FBXL7: variants seen among roughly 807,000 people sequenced by gnomAD.
FBXL7 encodes the protein F-box/LRR-repeat protein 7.
Under a neutral mutation model 38.3 loss-of-function variants are expected in FBXL7, and 12 were observed. The observed-to-expected ratio is 0.31, with a 90% CI of 0.20 to 0.51. The LOEUF is 0.51. Ranked by LOEUF, FBXL7 falls within the 20% of genes least tolerant of loss-of-function variation. FBXL7 has a pLI of 0.98. For missense variants in FBXL7, 567 were observed against 676.4 expected (o/e 0.84, Z 1.79); for synonymous variants, 297 against 300.9 (o/e 0.99, Z 0.13).
intron 1 of FBXL7, among the ~76,000 whole-genome samples, chr5:15,509,184 A>G (rs576752654): frequency 8.5e-5 from 13 of 152,342 alleles, no homozygotes; most frequent in African/African-American, 3.1e-4. Flanking sequence ...TGTATAGCAC[A>G]GGGTCTGCTG....
At chr5:15,600,512 G>A (rs1392077311) in intron 1 of FBXL7, among the ~76,000 whole-genome samples, 2 of 152,056 alleles carry the variant, frequency 1.3e-5, no homozygotes, top group Admixed American at 1.3e-4. Context: ...TTATTTCTCA[G>A]TTATAATTCT....
rs907034960 is a variant in FBXL7, at chr5:15,812,197, C to T, written c.128-115693C>T. Among the ~76,000 whole-genome samples the T allele has an allele frequency of 1.6e-4, 25 of 152,054 alleles. 1 individual carries two copies. The highest frequency in any genetic ancestry group is 5.8e-4 in the African/African-American group (24 of 41,486). Reference sequence around the variant, plus strand: ...TTCAGGTCCTTTGTGGGTACATGGGCGAAGCTGGAAACCATCATTCTCAGC... The same window carrying T: ...TTCAGGTCCTTTGTGGGTACATGGGTGAAGCTGGAAACCATCATTCTCAGC... On this transcript the variant is annotated intron_variant, in intron 2 of 3. Coordinates refer to ENST00000504595, the MANE Select transcript of FBXL7 (RefSeq NM_012304.5).
intron 2 of FBXL7, among the ~76,000 whole-genome samples, chr5:15,681,177 A>G (rs894477765): frequency 2.6e-5 from 4 of 152,212 alleles, no homozygotes; most frequent in Non-Finnish European, 4.4e-5. Context: ...CAAAAGCTTC[A>G]TAAAAAGGCA....
intron 1 of FBXL7, among the ~76,000 whole-genome samples, chr5:15,571,168 G>C (rs1416975422): frequency 6.6e-6 from 1 of 151,446 alleles, no homozygotes; most frequent in Non-Finnish European, 1.5e-5. Flanking sequence ...TGTTCTACAA[G>C]TGGATTCTGA....
intron 2 of FBXL7, among the ~76,000 whole-genome samples, chr5:15,656,800 A>C (rs1237326233): frequency 2.0e-5 from 3 of 152,294 alleles, no homozygotes; most frequent in African/African-American, 7.2e-5. Flanking sequence ...TGAGAATTTT[A>C]ATTAGGAAAT....
At chr5:15,905,701 G>A (rs1309315347) in intron 2 of FBXL7, among the ~76,000 whole-genome samples, 2 of 152,136 alleles carry the variant, frequency 1.3e-5, no homozygotes, top group East Asian at 3.8e-4. Flanking sequence ...AATATTTTCA[G>A]TTCAGTTCTA....
At chr5:15,735,701 T>C (rs1735731342) in intron 2 of FBXL7, among the ~76,000 whole-genome samples, 1 of 152,194 alleles carries the variant, frequency 6.6e-6, no homozygotes, top group South Asian at 2.1e-4. Context: ...GGATAATGAA[T>C]GTCCGGAGAG....
chr5:15,716,877 C>T (rs999735914), intron 2 of FBXL7, among the ~76,000 whole-genome samples: 23 of 152,230 alleles, frequency 1.5e-4, no homozygotes, highest in African/African-American at 5.3e-4. Flanking sequence ...TTATTTTACA[C>T]TCTCTAAGGT....
At chr5:15,527,678 A>G (rs1737291647) in intron 1 of FBXL7, among the ~76,000 whole-genome samples, 1 of 152,160 alleles carries the variant, frequency 6.6e-6, no homozygotes, top group Non-Finnish European at 1.5e-5. Flanking sequence ...ATCTTAATCC[A>G]TTTCCTTCCA....
At chr5:15,718,633 T>C (rs1035378794) in intron 2 of FBXL7, among the ~76,000 whole-genome samples, 4 of 149,698 alleles carry the variant, frequency 2.7e-5, no homozygotes, top group African/African-American at 9.7e-5. Flanking sequence ...TTGGGAGTTA[T>C]TGCTTTCAGC....
At chr5:15,677,975 C>T (rs1383116379) in intron 2 of FBXL7, among the ~76,000 whole-genome samples, 6 of 152,160 alleles carry the variant, frequency 3.9e-5, no homozygotes, top group South Asian at 2.1e-4. Context: ...CGGAACATTA[C>T]GTTTGTCAAC....
intron 1 of FBXL7, chr5:15,580,721 G>A (rs1746773859): frequency 1.0e-6 from 1 of 985,276 alleles, no homozygotes; most frequent in Non-Finnish European, 1.2e-6. Context: ...AAGGGAGGTG[G>A]TGAGCCTGAA....
At chr5:15,819,081 T>G (rs1331499823) in intron 2 of FBXL7, among the ~76,000 whole-genome samples, 1 of 152,222 alleles carries the variant, frequency 6.6e-6, no homozygotes, top group Non-Finnish European at 1.5e-5. Flanking sequence ...CATAAAGGAT[T>G]GGCCAACTTT....
chr5:15,818,328 CAGAAG>C (rs1738075276), intron 2 of FBXL7, among the ~76,000 whole-genome samples: 1 of 151,848 alleles, frequency 6.6e-6, no homozygotes, highest in African/African-American at 2.4e-5. Context: ...GACATTAAAA[CAGAAG>C]AGAAAACATT....
At chr5:15,509,229 TAA>T (rs1372207607) in intron 1 of FBXL7, among the ~76,000 whole-genome samples, 2 of 152,140 alleles carry the variant, frequency 1.3e-5, no homozygotes, top group Non-Finnish European at 2.9e-5. Context: ...CTCCTGGTAA[TAA>T]AATCAGTGTT....
intron 1 of FBXL7, among the ~76,000 whole-genome samples, chr5:15,567,231 T>C (rs535805847): frequency 6.6e-6 from 1 of 152,288 alleles, no homozygotes; most frequent in Admixed American, 6.5e-5. Flanking sequence ...TGTTTCCTGA[T>C]GTGTAAGATG....
chr5:15,846,842 G>A (rs1490933897), intron 2 of FBXL7, among the ~76,000 whole-genome samples: 1 of 152,012 alleles, frequency 6.6e-6, no homozygotes. Flanking sequence ...TAAAATGAAA[G>A]CAAATGATGT....
intron 2 of FBXL7, among the ~76,000 whole-genome samples, chr5:15,707,178 T>G (rs1387798310): frequency 3.7e-5 from 5 of 135,778 alleles, no homozygotes; most frequent in African/African-American, 8.6e-5. Flanking sequence ...CTTTTCGTTT[T>G]TTTTTTTTTT....
At chr5:15,580,159 C>T (rs1739089481) in intron 1 of FBXL7, among the ~76,000 whole-genome samples, 1 of 151,952 alleles carries the variant, frequency 6.6e-6, no homozygotes, top group Non-Finnish European at 1.5e-5. Flanking sequence ...ATGAGGAGAC[C>T]AGAGCTCCCC....
Sources: gnomAD v4.1 joint callset for allele counts (sites outside exome capture counted in the v4.1 genomes callset) on GRCh38, gnomAD v4.1.1 for gene constraint, MANE v1.5 for transcripts, NCBI Gene and HGNC (gene_info 2026-07-23, HGNC 2026-07-21) for gene names.